Variants in GRAMD1B observed in about 807,000 individuals in gnomAD.
GRAMD1B encodes the protein GRAM domain containing 1B, also known as protein Aster-B.
In GRAMD1B, 37 loss-of-function variants were observed where a neutral mutation model predicts 99.7. The ratio of observed to expected loss-of-function variants is 0.37; its 90% CI spans 0.29 to 0.49. The LOEUF (loss-of-function observed/expected upper bound fraction) is 0.49, where lower values mean the gene tolerates loss of function less well. Among genes scored for constraint, GRAMD1B ranks in the 20% least tolerant of loss-of-function variants. GRAMD1B has a pLI of 0.98. For synonymous variants in GRAMD1B, 427 were observed against 387.6 expected (o/e 1.10, Z -1.19); for missense variants, 888 against 1,009.2 (o/e 0.88, Z 1.63).
At chr11:123,426,292 C>T (rs56177337), upstream of GRAMD1B, among the ~76,000 whole-genome samples, 16,675 of 152,196 alleles carry the variant, frequency 0.11, 1,040 homozygotes, top group South Asian at 0.14. Context: ...AAGCCATTCT[C>T]TACCCAGTCT....
At chr11:123,524,318 TTTTTATTTTATTTTA>T (rs6144546) in intron 2 of GRAMD1B, among the ~76,000 whole-genome samples, 1,896 of 137,612 alleles carry the variant, frequency 0.014, 49 homozygotes, top group African/African-American at 0.046. Flanking sequence ...CCAGTTTTTA[TTTTTATTTTATTTTA>T]TTTTATTTTA....
Position 123,465,390 on chromosome 11 carries a change from G to A in GRAMD1B, c.375-15426G>A, listed in dbSNP as rs117260683. On this transcript the variant is annotated intron_variant, in intron 1 of 19. Transcript: ENST00000635736. ...CCTAAAACATTCCTTTGTTTGGCTT[G>A]AATTCTATCAATCCAGTGTGGTAAG... Among the ~76,000 whole-genome samples the A allele has an allele frequency of 5.6e-4, 86 of 152,300 alleles. 2 individuals are homozygous for A. In the East Asian group the frequency reaches 0.016, roughly 29 times the overall value.
intron 4 of GRAMD1B, among the ~76,000 whole-genome samples, chr11:123,588,423 A>G (rs1950283153): frequency 6.6e-6 from 1 of 152,170 alleles, no homozygotes; most frequent in African/African-American, 2.4e-5. Flanking sequence ...TTTATCTCAC[A>G]GGGCGTATCC....
At position 123,625,063 on chromosome 11, in the gene GRAMD1B, A is replaced by G. The variant is rs1331921686; in HGVS notation, c.*2468A>G. 6.6e-6 allele frequency: 1 copy of G among 152,206 alleles called. No individual in the cohort carries two copies. The highest frequency in any genetic ancestry group is 6.5e-5 in the Admixed American group (1 of 15,288). The allele number at this position is 152,206 out of a possible 1,614,324, so 9.4% of individuals were successfully genotyped here. ...GTGTTCCAATAATTTTTTGACTATC[A>G]TACCAGGAAAAAACCAACAACTCTA... On this transcript the variant is annotated 3_prime_UTR_variant, in exon 20 of 20. Coordinates refer to ENST00000635736, the MANE Select transcript of GRAMD1B (RefSeq NM_001387025.1).
intron 7 of GRAMD1B, chr11:123,599,364 T>C: frequency 1.4e-6 from 1 of 691,132 alleles, no homozygotes; most frequent in Non-Finnish European, 2.8e-6. Flanking sequence ...GAGCATGGAC[T>C]TTTTAGTGAG....
chr11:123,404,072 A>C (rs1947769376), intron 1 of GRAMD1B, among the ~76,000 whole-genome samples: 1 of 152,166 alleles, frequency 6.6e-6, no homozygotes, highest in Non-Finnish European at 1.5e-5. Context: ...CTCAGAGTGC[A>C]GTTTGACATG....
At chr11:123,463,260 G>A (rs1453614027) in intron 1 of GRAMD1B, among the ~76,000 whole-genome samples, 2 of 152,186 alleles carry the variant, frequency 1.3e-5, no homozygotes, top group African/African-American at 4.8e-5. Flanking sequence ...TGATCCACCC[G>A]CCTTGGCTTC....
chr11:123,361,323 C>A (rs1396354402), intron 1 of GRAMD1B, among the ~76,000 whole-genome samples: 1 of 152,244 alleles, frequency 6.6e-6, no homozygotes, highest in African/African-American at 2.4e-5. Flanking sequence ...CACTGTGCTG[C>A]TCCAACTGTC....
intron 2 of GRAMD1B, among the ~76,000 whole-genome samples, chr11:123,521,729 C>T (rs111453206): frequency 2.8e-4 from 42 of 152,298 alleles, no homozygotes; most frequent in African/African-American, 9.9e-4. Flanking sequence ...AGCATTTGTA[C>T]ATTTCTTTCA....
intron 1 of GRAMD1B, among the ~76,000 whole-genome samples, chr11:123,363,279 G>T (rs1254438846): frequency 6.6e-6 from 1 of 152,170 alleles, no homozygotes; most frequent in African/African-American, 2.4e-5. Context: ...AAATGACCCC[G>T]TGATGGCGTT....
chr11:123,501,491 C>G (rs997950088), intron 2 of GRAMD1B, among the ~76,000 whole-genome samples: 1 of 152,112 alleles, frequency 6.6e-6, no homozygotes, highest in Non-Finnish European at 1.5e-5. Context: ...TTCTTACTTG[C>G]AATACTCTTA....
chr11:123,544,398 C>G (rs1944853631), intron 2 of GRAMD1B, among the ~76,000 whole-genome samples: 1 of 152,192 alleles, frequency 6.6e-6, no homozygotes, highest in Non-Finnish European at 1.5e-5. Context: ...ACCACCTTTC[C>G]TTCCTAACTC....
At chr11:123,620,778 G>C (rs958957421) in intron 19 of GRAMD1B, among the ~76,000 whole-genome samples, 2 of 152,234 alleles carry the variant, frequency 1.3e-5, no homozygotes, top group African/African-American at 4.8e-5. Context: ...ACTAGAGCTA[G>C]AAGTTTAAGA....
chr11:123,611,488 GGT>G (rs1467809128), intron 14 of GRAMD1B, among the ~76,000 whole-genome samples: 1 of 151,978 alleles, frequency 6.6e-6, no homozygotes, highest in Admixed American at 6.6e-5. Context: ...TGGGGGGTTG[GGT>G]GTTCTGTGCT....
upstream of GRAMD1B, among the ~76,000 whole-genome samples, chr11:123,429,504 TGAATCAG>T (rs1470115073): frequency 2.0e-5 from 3 of 152,136 alleles, no homozygotes; most frequent in African/African-American, 7.2e-5. The surrounding 1 kb of genome is among the most constrained non-coding windows in gnomAD (Gnocchi z 4.0). Flanking sequence ...GAAGCAGAAC[TGAATCAG>T]CCCTCAGCAA....
chr11:123,577,243 C>T (rs1948812433), intron 2 of GRAMD1B, 124 bp from the exon 3 acceptor site: 4 of 808,496 alleles, frequency 4.9e-6, no homozygotes, highest in East Asian at 2.7e-5. Context: ...GGTTTCTCCC[C>T]AGCCCCTCAC....
At chr11:123,429,345 G>A (rs1948766130), upstream of GRAMD1B, among the ~76,000 whole-genome samples, 1 of 152,080 alleles carries the variant, frequency 6.6e-6, no homozygotes, top group African/African-American at 2.4e-5. This position sits in a 1 kb window ranked among gnomAD's most constrained non-coding sequence, Gnocchi z 4.0. Context: ...AGGATGGATC[G>A]GTTCTAGGGT....
chr11:123,553,847 C>T (rs1465998636), intron 2 of GRAMD1B, among the ~76,000 whole-genome samples: 1 of 152,080 alleles, frequency 6.6e-6, no homozygotes, highest in Non-Finnish European at 1.5e-5. Context: ...CTCTAGAGTC[C>T]CTGATGGCCA....
At chr11:123,441,764 C>G (rs1949417853) in intron 1 of GRAMD1B, among the ~76,000 whole-genome samples, 1 of 152,058 alleles carries the variant, frequency 6.6e-6, no homozygotes. Context: ...CCACTGCACT[C>G]CAGCCTGGGC....
Sources: allele counts gnomAD v4.1 joint callset (sites outside exome capture counted in the v4.1 genomes callset), GRCh38; gene constraint gnomAD v4.1.1; non-coding constraint Gnocchi (gnomAD v3.1); transcripts MANE v1.5; gene names NCBI Gene and HGNC (gene_info 2026-07-23, HGNC 2026-07-21).